The following WDR33 variants were observed in gnomAD, a reference collection of about 807,000 sequenced individuals.
The protein encoded by WDR33 is pre-mRNA 3' end processing protein WDR33.
WDR33 carries 47 observed loss-of-function variants against 164.9 expected under a neutral mutation model. The observed-to-expected ratio is 0.29, with a 90% CI of 0.23 to 0.36. The LOEUF (loss-of-function observed/expected upper bound fraction) is 0.36, where lower values mean the gene tolerates loss of function less well. Among genes scored for constraint, WDR33 ranks in the 10% least tolerant of loss-of-function variants. The pLI, the probability that WDR33 is intolerant of heterozygous loss-of-function variation, is 1.00. For synonymous variants in WDR33, 505 were observed against 589.0 expected, an observed-to-expected ratio of 0.86 and a Z score of 2.06; for missense variants, 1,137 against 1,754.1, an observed-to-expected ratio of 0.65 and a Z score of 6.28.
At chr2:127,781,180 A>C (rs570640271) in intron 1 of WDR33, among the ~76,000 whole-genome samples, 1 of 152,278 alleles carries the variant, frequency 6.6e-6, no homozygotes, top group South Asian at 2.1e-4. Context: ...ATAGCTTTTT[A>C]AAGTTCGAGA....
In WDR33 at chr2:127,750,704, ATATATATATG is replaced by A. The variant is rs1405332754; in HGVS notation, c.724+12348_724+12357del. Among the ~76,000 whole-genome samples the A allele has an allele frequency of 4.2e-3, 267 of 63,730 alleles. 1 individual carries two copies. Among genetic ancestry groups the A allele is most frequent in the Middle Eastern group, 8.6e-3 (1 of 116 alleles). 41.8% of individuals were successfully genotyped at this position (63,730 alleles called of 152,430 possible). A position where few individuals can be genotyped will look rare whatever the true frequency, so the allele number is the denominator to read the frequency against. On this transcript the variant is annotated intron_variant, in intron 7 of 21. Coordinates refer to ENST00000322313, the MANE Select transcript of WDR33 (RefSeq NM_018383.5). ...TATATATATATATATATATATATAT[ATATATATATG>A]TATGTATGCATACATATATATGTAT...
In WDR33 at chr2:127,709,309, T is replaced by C. The variant is rs1686093809; in HGVS notation, c.3565+181A>G. ...TAGATCCCTGTAATGTCTGGCGGAT[T>C]CCTCTGCTCTGCATTCCACCTGCTG... is the stretch of plus-strand genomic sequence containing the variant. On this transcript the variant is annotated intron_variant, in intron 20 of 21. Transcript: ENST00000322313. The surrounding 1 kb of genome is among the most constrained non-coding windows in gnomAD (Gnocchi z 5.0). Among the ~76,000 whole-genome samples the C allele has an allele frequency of 6.6e-6, 1 of 152,160 alleles. No individual in the cohort carries two copies. The highest frequency in any genetic ancestry group is 1.5e-5 in the Non-Finnish European group (1 of 68,032).
rs1331296528 is a variant in WDR33 at position 127,701,769 on chromosome 2, G to A, written c.*4554C>T. On this transcript the variant is annotated 3_prime_UTR_variant, in exon 22 of 22. Transcript: ENST00000322313. ...GCGCGGGCAGCGGCTGGCGGCGGGCGGCGGGTGCCTGCTGCTGGCTGCACT... is the reference window on the plus strand; with the variant it reads ...GCGCGGGCAGCGGCTGGCGGCGGGCAGCGGGTGCCTGCTGCTGGCTGCACT... The A allele has an allele frequency of 2.1e-6, 3 of 1,427,116 alleles. No homozygotes were observed. Among genetic ancestry groups the A allele is most frequent in the South Asian group, 1.4e-5 (1 of 73,622 alleles). 88.4% of individuals were successfully genotyped at this position (1,427,116 alleles called of 1,614,324 possible). A position where few individuals can be genotyped will look rare whatever the true frequency, so the allele number is the denominator to read the frequency against.
At chr2:127,762,953 G>C (rs1452157310) in intron 7 of WDR33, 109 bp downstream of exon 7, 1 of 1,545,596 alleles carries the variant, frequency 6.5e-7, no homozygotes, top group Non-Finnish European at 8.7e-7. Context: ...GTGTGTATAT[G>C]TAAAAAAAAT....
chr2:127,748,787 C>T (rs1286719389), intron 7 of WDR33, among the ~76,000 whole-genome samples: 1 of 151,186 alleles, frequency 6.6e-6, no homozygotes, highest in African/African-American at 2.4e-5. Context: ...CTCATTCTGT[C>T]ACCCAGGCCT....
In WDR33 at chr2:127,768,177, C is replaced by G; in HGVS notation, c.378+12G>C. ...ATTAATTTTCCCCCAAAATATCCAA[C>G]AGATTACTTACCCTAACAACAAATA... On this transcript the variant is annotated intron_variant, in intron 4 of 21. Coordinates refer to ENST00000322313, the MANE Select transcript of WDR33 (RefSeq NM_018383.5). 1 of 1,485,410 alleles carries G rather than the reference C, an allele frequency of 6.7e-7. No individual in the cohort carries two copies. The allele number at this position is 1,485,410 out of a possible 1,614,324, so 92.0% of individuals were successfully genotyped here.
chr2:127,760,626 A>G (rs1687647879), intron 7 of WDR33, among the ~76,000 whole-genome samples: 1 of 152,196 alleles, frequency 6.6e-6, no homozygotes, highest in South Asian at 2.1e-4. Context: ...GAAAACAGAC[A>G]ACTGGAATCT....
chr2:127,713,688 C>T lies in WDR33; in HGVS notation c.3203G>A (p.Gly1068Asp). 7 of 1,614,216 alleles carry T rather than the reference C, an allele frequency of 4.3e-6. No homozygotes were observed. The highest frequency in any genetic ancestry group is 5.9e-6 in the Non-Finnish European group (7 of 1,180,020). Reference sequence around the variant, plus strand: ...TGCCCCCGGAGGGCCTCGGGCTGCACCCCGGCCATCCCCCTCGCTGAATTC... The same window carrying T: ...TGCCCCCGGAGGGCCTCGGGCTGCATCCCGGCCATCCCCCTCGCTGAATTC... ...HREFSEGDGRGAARGPPGAWE... is the reference protein window; with the variant it reads ...HREFSEGDGRDAARGPPGAWE... The change falls in exon 18 of 22, where the codon GGT (glycine) becomes GAT (aspartate). Residue 1068 changes from glycine (G) to aspartate (D), a missense_variant. Physicochemically the swap from Gly to Asp is moderately conservative, Grantham distance 94. Transcript: ENST00000322313. This position sits in a 1 kb window ranked among gnomAD's most constrained non-coding sequence, Gnocchi z 6.2.
Position 127,709,836 on chromosome 2 carries a change from G to A in WDR33, c.3329C>T (p.Pro1110Leu), listed in dbSNP as rs142450092. 2.4e-5 allele frequency: 39 copies of A among 1,614,124 alleles called. 1 individual carries two copies. Among genetic ancestry groups the A allele is most frequent in the African/African-American group, 2.1e-4 (16 of 75,044 alleles). ...GGGGGGAGCACGGCCCTCATGCCTCGGCGGGGCTCCTCTTCTGAAACTGTA... is the reference window on the plus strand; with the variant it reads ...GGGGGGAGCACGGCCCTCATGCCTCAGCGGGGCTCCTCTTCTGAAACTGTA... ...REESFRRGAP[P>L]RHEGRAPPRG... Residue 1110 changes from proline (P) to leucine (L), a missense_variant, in exon 19 of 22, where the codon CCG (proline) becomes CTG (leucine). Pro to Leu is a moderately conservative substitution (Grantham distance 98). This residue lies in a region of WDR33 where 867 missense variants were observed against 1,073.0 expected (regional missense o/e 0.81). Transcript: ENST00000322313. This position sits in a 1 kb window ranked among gnomAD's most constrained non-coding sequence, Gnocchi z 5.0.
At chr2:127,772,679 G>A (rs1558948147) in intron 1 of WDR33, among the ~76,000 whole-genome samples, 2 of 152,002 alleles carry the variant, frequency 1.3e-5, no homozygotes, top group Non-Finnish European at 2.9e-5. Context: ...CTCAGTATGT[G>A]TTATTTACAT....
chr2:127,774,148 T>C (rs1489280201), intron 1 of WDR33, among the ~76,000 whole-genome samples: 1 of 149,600 alleles, frequency 6.7e-6, no homozygotes, highest in African/African-American at 2.5e-5. Flanking sequence ...GCCTCCCGGG[T>C]TCAAGCAATT....
intron 7 of WDR33, among the ~76,000 whole-genome samples, chr2:127,728,709 T>C (rs1015749974): frequency 2.0e-4 from 30 of 152,190 alleles, no homozygotes; most frequent in African/African-American, 1.9e-4. Context: ...CTATGGGCCA[T>C]TGTCACCTAA....
Position 127,771,009 on chromosome 2 carries a change from G to C in WDR33, c.-23-5C>G. On this transcript the variant is annotated splice_polypyrimidine_tract_variant and splice_region_variant and intron_variant, in intron 1 of 21. Transcript: ENST00000322313. ...TGATGTTTTCCTTCTAGGATACTAG[G>C]ATAAGGAAAAAGTACTTTCACTACA... 2 of 1,605,456 alleles carry C rather than the reference G, an allele frequency of 1.2e-6. No individual in the cohort carries two copies. The highest frequency in any genetic ancestry group is 1.7e-6 in the Non-Finnish European group (2 of 1,174,732).
intron 7 of WDR33, 80 bp downstream of exon 7, chr2:127,762,982 A>G: frequency 1.2e-6 from 2 of 1,602,590 alleles, no homozygotes; most frequent in South Asian, 1.1e-5. Context: ...GGTGTAAGCC[A>G]GTATTGTGGT....
At position 127,750,722 on chromosome 2, in the gene WDR33, G is replaced by GTATGCATACATATATATATGTATA. The variant is rs1558937056; in HGVS notation, c.724+12339_724+12340insTATACATATATATATGTATGCATA. On this transcript the variant is annotated intron_variant, in intron 7 of 21. Transcript: ENST00000322313. ...TATATATATATATATATGTATGTAT[G>GTATGCATACATATATATATGTATA]CATACATATATATGTATGCATACAT... 3.8e-3 allele frequency among the ~76,000 whole-genome samples: 139 copies of GTATGCATACATATATATATGTATA among 36,900 alleles called. 3 individuals are homozygous for GTATGCATACATATATATATGTATA. Among genetic ancestry groups the GTATGCATACATATATATATGTATA allele is most frequent in the African/African-American group, 0.021 (130 of 6,336 alleles). 24.2% of individuals were successfully genotyped at this position (36,900 alleles called of 152,430 possible).
rs1476054973 is a variant in WDR33, at chr2:127,770,438, C to T, written c.204+340G>A. On this transcript the variant is annotated intron_variant, in intron 2 of 21. Transcript: ENST00000322313. This position sits in a 1 kb window ranked among gnomAD's most constrained non-coding sequence, Gnocchi z 4.9. ...GGCGCAGTGGCTCATGCCTGTAATC[C>T]CAGCACTTTGGGAGACTGAGGCAGG... 6.6e-6 allele frequency among the ~76,000 whole-genome samples: 1 copy of T among 152,050 alleles called. No individual in the cohort carries two copies. The highest frequency in any genetic ancestry group is 1.5e-5 in the Non-Finnish European group (1 of 68,004).
chr2:127,798,445 G>A (rs1415943147), intron 1 of WDR33, among the ~76,000 whole-genome samples: 1 of 147,738 alleles, frequency 6.8e-6, no homozygotes, highest in East Asian at 2.0e-4. Flanking sequence ...ATTCCCAAAG[G>A]AACAATCCTA....
At chr2:127,788,177 G>T (rs1348795282) in intron 1 of WDR33, among the ~76,000 whole-genome samples, 2 of 110,326 alleles carry the variant, frequency 1.8e-5, no homozygotes, top group Non-Finnish European at 1.9e-5. Flanking sequence ...CCCAGACGGG[G>T]CGGCTGGCCG....
Position 127,735,538 on chromosome 2 carries a change from A to G in WDR33, c.725-8761T>C, listed in dbSNP as rs1303503914. 2 of 985,692 alleles carry G rather than the reference A, an allele frequency of 2.0e-6. No homozygotes were observed. The highest frequency in any genetic ancestry group is 2.4e-6 in the Non-Finnish European group (2 of 829,864). The allele number at this position is 985,692 out of a possible 1,614,324, so 61.1% of individuals were successfully genotyped here. Reference sequence around the variant, plus strand: ...ACCAAGATTTTCTAATACAGGAAGAAAAAAGGCAAACAAAGAATTCAAGTA... The same window carrying G: ...ACCAAGATTTTCTAATACAGGAAGAGAAAAGGCAAACAAAGAATTCAAGTA... On this transcript the variant is annotated intron_variant, in intron 7 of 21. Transcript: ENST00000322313. This position sits in a 1 kb window ranked among gnomAD's most constrained non-coding sequence, Gnocchi z 4.3.
Sources: gnomAD v4.1 joint callset for allele counts (sites outside exome capture counted in the v4.1 genomes callset) on GRCh38, gnomAD v4.1.1 for gene constraint, gnomAD v4.1.1 regional missense constraint, Gnocchi (gnomAD v3.1) non-coding constraint, MANE v1.5 for transcripts, NCBI Gene and HGNC (gene_info 2026-07-23, HGNC 2026-07-21) for gene names.